The following PRAMEF15 variants were observed in gnomAD, a reference collection of about 807,000 sequenced individuals.
PRAMEF15 encodes the protein PRAME family member 15.
PRAMEF15 carries 21 observed loss-of-function variants against 35.3 expected under a neutral mutation model. That is an observed-to-expected ratio of 0.59 (90% CI 0.42 to 0.86). The LOEUF (loss-of-function observed/expected upper bound fraction) is 0.86, where lower values mean the gene tolerates loss of function less well. PRAMEF15 is among the 40% of genes least tolerant of loss of function. The probability of loss-of-function intolerance (pLI) is 0.00; values close to 1 mark genes in which losing one functional copy is unlikely to be tolerated. For missense variants in PRAMEF15, 360 were observed against 574.1 expected (o/e 0.63, Z 3.81); for synonymous variants, 122 against 223.3 (o/e 0.55, Z 4.05).
Position 13,319,387 on chromosome 1 carries a change from A to G in PRAMEF15, c.309A>G (p.Gln103=). The change falls in exon 3 of 4, where the codon CAA becomes CAG. Residue 103 remains glutamine, a synonymous_variant. Coordinates refer to ENST00000376152, the MANE Select transcript of PRAMEF15 (RefSeq NM_001098376.3). ...QGVRPRRWKL[Q]VLDLQDVCEN... ...TTTGCCACAGGAGGTGGAAACTCCA[A>G]GTGCTGGATTTACAGGATGTCTGTG... The G allele has an allele frequency of 1.9e-6, 3 of 1,611,328 alleles. No individual in the cohort carries two copies. The highest frequency in any genetic ancestry group is 2.5e-6 in the Non-Finnish European group (3 of 1,179,802).
At position 13,317,747 on chromosome 1, in the gene PRAMEF15, G is replaced by A. The variant is rs1226720521; in HGVS notation, c.-16-645G>A. Among the ~76,000 whole-genome samples the A allele has an allele frequency of 1.3e-5, 2 of 150,740 alleles. 1 individual carries two copies. The highest frequency in any genetic ancestry group is 4.9e-5 in the African/African-American group (2 of 41,130). On this transcript the variant is annotated intron_variant, in intron 1 of 3. Transcript: ENST00000376152. Reference sequence around the variant, plus strand: ...GCTGAGATCCCACCACTACACTCCAGGCTGGGTGACAGAGCAAGACTCTGT... The same window carrying A: ...GCTGAGATCCCACCACTACACTCCAAGCTGGGTGACAGAGCAAGACTCTGT...
In PRAMEF15 at chr1:13,322,479, A is replaced by T; in HGVS notation, c.*215A>T. 1 of 810,622 alleles carries T rather than the reference A, an allele frequency of 1.2e-6. No individual in the cohort carries two copies. Among genetic ancestry groups the T allele is most frequent in the Non-Finnish European group, 1.9e-6 (1 of 525,426 alleles). 50.2% of individuals were successfully genotyped at this position (810,622 alleles called of 1,614,324 possible). ...GACTTTGGGGACCTGTGTCCTGTAG[A>T]TTCGAAAATGGGAATCTGAATGTCT... On this transcript the variant is annotated 3_prime_UTR_variant, in exon 4 of 4. Coordinates refer to ENST00000376152, the MANE Select transcript of PRAMEF15 (RefSeq NM_001098376.3).
At position 13,322,206 on chromosome 1, in the gene PRAMEF15, G is replaced by A. The variant is rs1640093966; in HGVS notation, c.1379G>A (p.Cys460Tyr). Residue 460 changes from cysteine (C) to tyrosine (Y), a missense_variant, in exon 4 of 4, where the codon TGC becomes TAC. Around this residue, in one of 8 missense-constraint regions of PRAMEF15, gnomAD observed 147 missense variants for 123.5 expected, o/e 1.19. Coordinates refer to ENST00000376152, the MANE Select transcript of PRAMEF15 (RefSeq NM_001098376.3). ...PKRILFCTDYCPDCGNRSFYD... is the reference protein window; with the variant it reads ...PKRILFCTDYYPDCGNRSFYD... ...AGGATCTTGTTCTGTACTGACTACTGCCCTGACTGTGGCAACAGGTCATTT... is the reference window on the plus strand; with the variant it reads ...AGGATCTTGTTCTGTACTGACTACTACCCTGACTGTGGCAACAGGTCATTT... 9 of 1,606,484 alleles carry A rather than the reference G, an allele frequency of 5.6e-6. No individual in the cohort carries two copies. Among genetic ancestry groups the A allele is most frequent in the Admixed American group, 1.7e-5 (1 of 59,478 alleles).
At chr1:13,318,189 T>C (rs1168128756) in intron 1 of PRAMEF15, among the ~76,000 whole-genome samples, 7,191 of 150,370 alleles carry the variant, frequency 0.048, 68 homozygotes, top group East Asian at 0.25. Flanking sequence ...GTGGCCCTGC[T>C]TCCTCACTGC....
chr1:13,320,298 C>T (rs1451106744), intron 3 of PRAMEF15, among the ~76,000 whole-genome samples: 2,328 of 152,158 alleles, frequency 0.015, 60 homozygotes, highest in African/African-American at 0.053. Context: ...GTGGCTCATG[C>T]CTGTAATCCT....
rs1469160131 is a variant in PRAMEF15 at position 13,319,530 on chromosome 1, T to C, written c.452T>C (p.Val151Ala). ...PRMRGRQPLT[V>A]FVELWLKNRT... The stretch of plus-strand genomic sequence containing the variant: ...ATGAGAGGACGGCAGCCCTTGACTG[T>C]GTTCGTAGAACTTTGGCTCAAGAAC... The change falls in exon 3 of 4, where the codon GTG becomes GCG. Residue 151 changes from valine (V) to alanine (A), a missense_variant. Around this residue, in one of 8 missense-constraint regions of PRAMEF15, gnomAD observed 36 missense variants for 164.8 expected, o/e 0.22. Transcript: ENST00000376152. 1.2e-6 allele frequency: 2 copies of C among 1,613,944 alleles called. No homozygotes were observed. Among genetic ancestry groups the C allele is most frequent in the Non-Finnish European group, 8.5e-7 (1 of 1,179,860 alleles).
At chr1:13,320,157 G>A (rs1318480007) in intron 3 of PRAMEF15, among the ~76,000 whole-genome samples, 23 of 152,248 alleles carry the variant, frequency 1.5e-4, no homozygotes, top group African/African-American at 4.8e-4. Context: ...TCAGCTAGGG[G>A]AGATGCTATG....
At chr1:13,319,193 CAAAAA>C (rs375566005) in intron 2 of PRAMEF15, among the ~76,000 whole-genome samples, 174 bp from the exon 3 acceptor site, 206 of 76,894 alleles carry the variant, frequency 2.7e-3, no homozygotes, top group East Asian at 0.017. Flanking sequence ...GACTTGGTCT[CAAAAA>C]AAAAAAAAAA....
At chr1:13,320,790 C>T (rs878895696) in intron 3 of PRAMEF15, among the ~76,000 whole-genome samples, 1,759 of 150,882 alleles carry the variant, frequency 0.012, 18 homozygotes, top group Non-Finnish European at 0.018. Context: ...GAGGGGAATG[C>T]TCAGCAAACC....
Position 13,322,046 on chromosome 1 carries a change from C to G in PRAMEF15, c.1219C>G (p.Leu407Val). 1 of 1,610,144 alleles carries G rather than the reference C, an allele frequency of 6.2e-7. No homozygotes were observed. The highest frequency in any genetic ancestry group is 8.5e-7 in the Non-Finnish European group (1 of 1,179,074). ...GAACCTGCTGAGCCACACAATCATA[C>G]TCAAAAACTTATGTGTGGAGCTGTA... is the stretch of plus-strand genomic sequence containing the variant. ...LENLLSHTII[L>V]KNLCVELYPA... The change falls in exon 4 of 4, where the codon CTC becomes GTC. Residue 407 changes from leucine to valine, a missense_variant. This residue lies in a region of PRAMEF15 where 147 missense variants were observed against 123.5 expected (regional missense o/e 1.19). Coordinates refer to ENST00000376152, the MANE Select transcript of PRAMEF15 (RefSeq NM_001098376.3).
At chr1:13,320,230 T>C (rs1640065060) in intron 3 of PRAMEF15, among the ~76,000 whole-genome samples, 1 of 152,142 alleles carries the variant, frequency 6.6e-6, no homozygotes, top group South Asian at 2.1e-4. Flanking sequence ...GGTGCCTTTC[T>C]GAATTCTTCC....
At chr1:13,318,033 T>G (rs1234026754) in intron 1 of PRAMEF15, among the ~76,000 whole-genome samples, 2 of 152,192 alleles carry the variant, frequency 1.3e-5, no homozygotes, top group East Asian at 3.9e-4. Flanking sequence ...AATGTGGGCA[T>G]GTAGGCTTGT....
chr1:13,318,437 A>G lies in PRAMEF15; in HGVS notation c.30A>G (p.Arg10=). 6.2e-7 allele frequency: 1 copy of G among 1,613,270 alleles called. No individual in the cohort carries two copies. Among genetic ancestry groups the G allele is most frequent in the South Asian group, 1.1e-5 (1 of 91,012 alleles). Residue 10 remains arginine (R), a synonymous_variant, in exon 2 of 4, where the codon AGA becomes AGG. Transcript: ENST00000376152. ...AGATGAGCATCCGGACTCCACCCAG[A>G]CTCCTGGAGCTTGCAGGGCGGAGCC... The part of the protein sequence containing the change: MKMSIRTPP[R]LLELAGRSLL...
Position 13,319,432 on chromosome 1 carries a change from G to T in PRAMEF15, c.354G>T (p.Trp118Cys), listed in dbSNP as rs1279144378. 6.2e-7 allele frequency: 1 copy of T among 1,612,794 alleles called. No individual in the cohort carries two copies. The highest frequency in any genetic ancestry group is 1.7e-5 in the Admixed American group (1 of 59,956). ...QDVCENFWMV[W>C]SEAMAHGCFL... Reference sequence around the variant, plus strand: ...TCTGTGAGAACTTCTGGATGGTTTGGTCTGAAGCTATGGCCCATGGGTGCT... The same window carrying T: ...TCTGTGAGAACTTCTGGATGGTTTGTTCTGAAGCTATGGCCCATGGGTGCT... Residue 118 changes from tryptophan to cysteine, a missense_variant, in exon 3 of 4, where the codon TGG becomes TGT. Physicochemically the swap from Trp to Cys is radical, Grantham distance 215. Transcript: ENST00000376152.
rs1226239634 is a variant in PRAMEF15 at position 13,322,482 on chromosome 1, C to G, written c.*218C>G. ...TTTGGGGACCTGTGTCCTGTAGATTCGAAAATGGGAATCTGAATGTCTAGA... is the reference window on the plus strand; with the variant it reads ...TTTGGGGACCTGTGTCCTGTAGATTGGAAAATGGGAATCTGAATGTCTAGA... On this transcript the variant is annotated 3_prime_UTR_variant, in exon 4 of 4. Transcript: ENST00000376152. 3 of 782,856 alleles carry G rather than the reference C, an allele frequency of 3.8e-6. No homozygotes were observed. Among genetic ancestry groups the G allele is most frequent in the Middle Eastern group, 3.8e-4 (1 of 2,642 alleles). 48.5% of individuals were successfully genotyped at this position (782,856 alleles called of 1,614,324 possible). A position where few individuals can be genotyped will look rare whatever the true frequency, so the allele number is the denominator to read the frequency against.
intron 3 of PRAMEF15, among the ~76,000 whole-genome samples, chr1:13,321,235 A>T (rs1157033125): frequency 1 from 140,483 of 140,534 alleles, 70,218 homozygotes; most frequent in Middle Eastern, 1. Flanking sequence ...TTTTTTTCAA[A>T]ACAGAGTCTC....
intron 2 of PRAMEF15, among the ~76,000 whole-genome samples, chr1:13,318,983 T>A (rs2995616): frequency 6.7e-6 from 1 of 149,182 alleles, no homozygotes; most frequent in African/African-American, 2.5e-5. Context: ...GAGGCTGAGG[T>A]CAAGAGTTGG....
intron 2 of PRAMEF15, 82 bp from the exon 3 acceptor site, chr1:13,319,290 G>C (rs1310497593): frequency 2.2e-5 from 35 of 1,590,872 alleles, no homozygotes; most frequent in Non-Finnish European, 2.7e-5. Flanking sequence ...AGCAGGGAGG[G>C]GAGGAGCTGC....
At chr1:13,318,130 T>A (rs1393816985) in intron 1 of PRAMEF15, among the ~76,000 whole-genome samples, 1 of 144,628 alleles carries the variant, frequency 6.9e-6, no homozygotes, top group African/African-American at 2.5e-5. Context: ...GGTTCCTCCA[T>A]ACTCACTAGT....
Sources: allele counts gnomAD v4.1 joint callset (sites outside exome capture counted in the v4.1 genomes callset), GRCh38; gene constraint gnomAD v4.1.1; regional missense constraint gnomAD v4.1.1; transcripts MANE v1.5; gene names NCBI Gene and HGNC (gene_info 2026-07-23, HGNC 2026-07-21).